The following IL4R variants were observed in gnomAD, a reference collection of about 807,000 sequenced individuals.
The protein encoded by IL4R is interleukin-4 receptor subunit alpha.
Under a neutral mutation model 41.5 loss-of-function variants are expected in IL4R, and 17 were observed. The ratio of observed to expected loss-of-function variants is 0.41; its 90% CI spans 0.28 to 0.61. The LOEUF is 0.61. Among genes scored for constraint, IL4R ranks in the 20% least tolerant of loss-of-function variants. The pLI is 0.31. For missense variants in IL4R, 974 were observed against 1,043.1 expected, an observed-to-expected ratio of 0.93 and a Z score of 0.91; for synonymous variants, 402 against 422.9, an observed-to-expected ratio of 0.95 and a Z score of 0.61.
intron 2 of IL4R, among the ~76,000 whole-genome samples, chr16:27,335,993 A>G (rs2085249056): frequency 6.6e-6 from 1 of 152,144 alleles, no homozygotes; most frequent in South Asian, 2.1e-4. Flanking sequence ...TCTGACATGC[A>G]CACTGAGGTA....
At position 27,358,853 on chromosome 16, in the gene IL4R, T is replaced by C. The variant is rs2086185144; in HGVS notation, c.771-63T>C. 2.3e-6 allele frequency: 3 copies of C among 1,297,090 alleles called. No homozygotes were observed. In the Admixed American group the frequency reaches 5.0e-5, roughly 22 times the overall value. 80.3% of individuals were successfully genotyped at this position (1,297,090 alleles called of 1,614,324 possible). ...AAGTATTGGTGATAACGACCACTTT[T>C]ATGGGAGGAGCGTTCACCTGTCAAT... On this transcript the variant is annotated intron_variant, in intron 8 of 10. Coordinates refer to ENST00000395762, the MANE Select transcript of IL4R (RefSeq NM_000418.4).
intron 1 of IL4R, among the ~76,000 whole-genome samples, chr16:27,315,721 G>A (rs2084627643): frequency 6.6e-6 from 1 of 152,252 alleles, no homozygotes; most frequent in South Asian, 2.1e-4. Flanking sequence ...GGGCTGCATT[G>A]TGGAAAGCCT....
In IL4R at chr16:27,327,046, A is replaced by T. The variant is rs777372692; in HGVS notation, c.-151-3020A>T. ...AGAGGAAGCTCTGGGCTGGTTTCTT[A>T]TAAGTAGCATGACTAACTGATTGCG... On this transcript the variant is annotated intron_variant, in intron 1 of 10. Transcript: ENST00000395762. Among the ~76,000 whole-genome samples the T allele has an allele frequency of 1.8e-4, 27 of 152,116 alleles. 2 individuals carry two copies. Among genetic ancestry groups the T allele is most frequent in the Admixed American group, 7.9e-4 (12 of 15,272 alleles).
intron 1 of IL4R, among the ~76,000 whole-genome samples, chr16:27,320,905 A>G (rs2084795420): frequency 6.6e-6 from 1 of 151,652 alleles, no homozygotes. Context: ...TCTAACTGGG[A>G]GAAAATCTTC....
chr16:27,351,762 ACTTCGGCC>A (rs2085888890), intron 6 of IL4R, among the ~76,000 whole-genome samples: 1 of 151,976 alleles, frequency 6.6e-6, no homozygotes, highest in East Asian at 1.9e-4. Flanking sequence ...TGATCCACCC[ACTTCGGCC>A]TCCCAAAGTG....
chr16:27,314,572 C>T (rs944469321), intron 1 of IL4R, among the ~76,000 whole-genome samples: 2 of 152,192 alleles, frequency 1.3e-5, no homozygotes, highest in African/African-American at 2.4e-5. Context: ...TCTCTGTGGC[C>T]GGTGCTGTGC....
upstream of IL4R, chr16:27,313,916 C>A: frequency 2.0e-6 from 2 of 984,652 alleles, no homozygotes; most frequent in South Asian, 4.6e-5. Context: ...GCTGGGTCTC[C>A]GCGCCCAGGA....
At chr16:27,327,466 CGT>C (rs2084988114) in intron 1 of IL4R, among the ~76,000 whole-genome samples, 1 of 152,136 alleles carries the variant, frequency 6.6e-6, no homozygotes, top group South Asian at 2.1e-4. Flanking sequence ...TGGTGGCGGG[CGT>C]GTTTTCCCAG....
chr16:27,316,862 G>C (rs1567301304), intron 1 of IL4R, among the ~76,000 whole-genome samples: 1 of 151,730 alleles, frequency 6.6e-6, no homozygotes, highest in Non-Finnish European at 1.5e-5. Flanking sequence ...ATACAAAACA[G>C]TACCTGGTAT....
rs1208309901 is a variant in IL4R at position 27,345,685 on chromosome 16, T to G, written c.361+665T>G. The G allele has an allele frequency of 6.4e-6, 1 of 156,946 alleles. No homozygotes were observed. Among genetic ancestry groups the G allele is most frequent in the Non-Finnish European group, 1.4e-5 (1 of 70,854 alleles). The allele number at this position is 156,946 out of a possible 1,614,324, so 9.7% of individuals were successfully genotyped here. On this transcript the variant is annotated intron_variant, in intron 5 of 10. Transcript: ENST00000395762. This position sits in a 1 kb window ranked among gnomAD's most constrained non-coding sequence, Gnocchi z 4.5. ...AGGATGCAGCTGTAAAAGCTGAAGT[T>G]TGAGGCCGGGTGTGGTGGTTCATGC...
chr16:27,316,684 G>A (rs930790943), intron 1 of IL4R, among the ~76,000 whole-genome samples: 5 of 152,190 alleles, frequency 3.3e-5, no homozygotes, highest in South Asian at 2.1e-4. Context: ...CTGTCAAAAC[G>A]TATAGCTGGG....
chr16:27,323,411 A>G (rs985370482), intron 1 of IL4R, among the ~76,000 whole-genome samples: 9 of 151,440 alleles, frequency 5.9e-5, no homozygotes, highest in Admixed American at 5.2e-4. Flanking sequence ...AGGAGAAGCA[A>G]AAAAGAGTGG....
rs1355894668 is a variant in IL4R, at chr16:27,364,105, C to T, written c.*275C>T. On this transcript the variant is annotated 3_prime_UTR_variant, in exon 11 of 11. Coordinates refer to ENST00000395762, the MANE Select transcript of IL4R (RefSeq NM_000418.4). ...CAGGCCCCTGCAGGAAAACTGAGGC[C>T]CTTGGGCACCTCGACTTGTGAACGA... 8 of 419,782 alleles carry T rather than the reference C, an allele frequency of 1.9e-5. No homozygotes were observed. The highest frequency in any genetic ancestry group is 1.6e-4 in the Admixed American group (4 of 24,704). 26.0% of individuals were successfully genotyped at this position (419,782 alleles called of 1,614,324 possible).
intron 1 of IL4R, chr16:27,314,244 C>G (rs562401486): frequency 8.5e-5 from 36 of 424,328 alleles, no homozygotes; most frequent in African/African-American, 7.5e-4. Flanking sequence ...ACGTGGACAC[C>G]CAGCGCTCCC....
At chr16:27,340,165 C>G (rs570481170) in intron 2 of IL4R, 21 bp from the exon 3 acceptor site, 3 of 1,579,718 alleles carry the variant, frequency 1.9e-6, no homozygotes, top group East Asian at 2.2e-5. Context: ...CAGCACTAAC[C>G]TGCTTCCTCT....
chr16:27,335,003 T>C (rs1250171396), intron 2 of IL4R, among the ~76,000 whole-genome samples: 5 of 152,124 alleles, frequency 3.3e-5, no homozygotes, highest in African/African-American at 1.2e-4. Context: ...AAGGGACAGA[T>C]GTCCCACGCT....
At position 27,363,291 on chromosome 16, in the gene IL4R, C is replaced by T. The variant is rs917973763; in HGVS notation, c.1939C>T (p.Pro647Ser). 4 of 1,606,404 alleles carry T rather than the reference C, an allele frequency of 2.5e-6. No homozygotes were observed. Among genetic ancestry groups the T allele is most frequent in the East Asian group, 2.2e-5 (1 of 44,762 alleles). Residue 647 changes from proline (P) to serine (S), a missense_variant, in exon 11 of 11, where the codon CCA becomes TCA. By Grantham distance (74) the Pro-to-Ser change is moderately conservative (BLOSUM62 -1). Coordinates refer to ENST00000395762, the MANE Select transcript of IL4R (RefSeq NM_000418.4). ...TCCTGGCTGCCCTGGGGACCCTGCC[C>T]CAGTCCCTGTCCCCTTGTTCACCTT... ...LIPGCPGDPA[P>S]VPVPLFTFGL... is the part of the protein sequence containing the mutation.
In IL4R at chr16:27,363,426, C is replaced by T; in HGVS notation, c.2074C>T (p.Pro692Ser). 1 of 1,614,090 alleles carries T rather than the reference C, an allele frequency of 6.2e-7. No homozygotes were observed. Among genetic ancestry groups the T allele is most frequent in the Non-Finnish European group, 8.5e-7 (1 of 1,179,992 alleles). Residue 692 changes from proline to serine, a missense_variant, in exon 11 of 11, where the codon CCC becomes TCC. Pro to Ser is a moderately conservative substitution (Grantham distance 74). Around this residue, in one of 3 missense-constraint regions of IL4R, gnomAD observed 682 missense variants for 704.3 expected, o/e 0.97. Coordinates refer to ENST00000395762, the MANE Select transcript of IL4R (RefSeq NM_000418.4). ...GGAAAAGGTAGAGGACATGCCAAAG[C>T]CCCCACTTCCCCAGGAGCAGGCCAC... ...PGEKVEDMPK[P>S]PLPQEQATDP...
Position 27,345,101 on chromosome 16 carries a change from G to C in IL4R, c.361+81G>C. 1.7e-6 allele frequency: 1 copy of C among 580,526 alleles called. No homozygotes were observed. The highest frequency in any genetic ancestry group is 4.1e-5 in the East Asian group (1 of 24,450). 36.0% of individuals were successfully genotyped at this position (580,526 alleles called of 1,614,324 possible). Reference sequence around the variant, plus strand: ...GCTGAGGGTGGGGTGGGCAGGGGAGGAGGTGGGGTCATAGCAACAGCAGGA... The same window carrying C: ...GCTGAGGGTGGGGTGGGCAGGGGAGCAGGTGGGGTCATAGCAACAGCAGGA... On this transcript the variant is annotated intron_variant, in intron 5 of 10. Coordinates refer to ENST00000395762, the MANE Select transcript of IL4R (RefSeq NM_000418.4). This position sits in a 1 kb window ranked among gnomAD's most constrained non-coding sequence, Gnocchi z 4.5.
Sources: allele counts gnomAD v4.1 joint callset (sites outside exome capture counted in the v4.1 genomes callset), GRCh38; gene constraint gnomAD v4.1.1; regional missense constraint gnomAD v4.1.1; non-coding constraint Gnocchi (gnomAD v3.1); transcripts MANE v1.5; gene names NCBI Gene and HGNC (gene_info 2026-07-23, HGNC 2026-07-21).